Variants in TAFA2 observed in about 807,000 individuals in gnomAD.
TAFA2 encodes the protein TAFA chemokine like family member 2.
Under a neutral mutation model 18.8 loss-of-function variants are expected in TAFA2, and 7 were observed. That is an observed-to-expected ratio of 0.37 (90% confidence interval 0.21 to 0.70). The LOEUF is 0.70. Ranked by LOEUF, TAFA2 falls within the 30% of genes least tolerant of loss-of-function variation. TAFA2 has a pLI of 0.53. For missense variants in TAFA2, 122 were observed against 158.1 expected (o/e 0.77, Z 1.23); for synonymous variants, 60 against 54.2 (o/e 1.11, Z -0.47).
chr12:61,742,341 T>A (rs776324223), intron 4 of TAFA2, among the ~76,000 whole-genome samples: 10 of 152,136 alleles, frequency 6.6e-5, no homozygotes, highest in Non-Finnish European at 1.5e-4. Context: ...GTAATGTTCA[T>A]CTAATGGACA....
At chr12:61,974,248 AAAAG>A (rs1369877503) in intron 1 of TAFA2, among the ~76,000 whole-genome samples, 1 of 151,796 alleles carries the variant, frequency 6.6e-6, no homozygotes, top group Non-Finnish European at 1.5e-5. Flanking sequence ...AGAAAATTTA[AAAAG>A]AAAGAATATT....
At chr12:61,939,515 A>T (rs913408443) in intron 1 of TAFA2, among the ~76,000 whole-genome samples, 3 of 152,206 alleles carry the variant, frequency 2.0e-5, no homozygotes, top group Non-Finnish European at 4.4e-5. Context: ...AAATAAAAAA[A>T]CCTTGAGTTC....
rs1319686903 is a variant in TAFA2 at position 61,877,903 on chromosome 12, T to TTA, written c.-1-10479_-1-10478dup. Reference sequence around the variant, plus strand: ...TGAATGGATAAACAAATTGTGATTTTTATATATATATATATATATATACAC... The same window carrying TTA: ...TGAATGGATAAACAAATTGTGATTTTTATATATATATATATATATATATACAC... On this transcript the variant is annotated intron_variant, in intron 1 of 4. Coordinates refer to ENST00000416284, the MANE Select transcript of TAFA2 (RefSeq NM_178539.5). Among the ~76,000 whole-genome samples the TTA allele has an allele frequency of 6.0e-3, 868 of 144,030 alleles. 9 individuals are homozygous for TTA. Among genetic ancestry groups the TTA allele is most frequent in the Non-Finnish European group, 7.9e-3 (509 of 64,646 alleles). 94.5% of individuals were successfully genotyped at this position (144,030 alleles called of 152,430 possible). A position where few individuals can be genotyped will look rare whatever the true frequency, so the allele number is the denominator to read the frequency against.
intron 1 of TAFA2, among the ~76,000 whole-genome samples, chr12:62,066,562 T>C (rs1882494020): frequency 1.3e-5 from 2 of 151,996 alleles, no homozygotes; most frequent in Admixed American, 6.6e-5. Flanking sequence ...ACAAGCAATG[T>C]TTGTTTGTTT....
At chr12:62,096,639 GA>G (rs995951531) in intron 1 of TAFA2, among the ~76,000 whole-genome samples, 2 of 152,144 alleles carry the variant, frequency 1.3e-5, no homozygotes, top group East Asian at 3.9e-4. Flanking sequence ...CTATGTTAAT[GA>G]AAAAACTTCT....
intron 1 of TAFA2, among the ~76,000 whole-genome samples, chr12:61,980,152 T>C (rs1356890246): frequency 6.6e-6 from 1 of 152,056 alleles, no homozygotes; most frequent in Non-Finnish European, 1.5e-5. Context: ...GTTTAACATA[T>C]GCAAATCAAT....
rs1036857390 is a variant in TAFA2 at position 62,234,420 on chromosome 12, A to C, written c.-130+24343T>G. 8.5e-5 allele frequency: 62 copies of C among 731,624 alleles called. No individual in the cohort carries two copies. The African/African-American group carries it at 9.8e-4, about 12-fold the overall frequency. 45.3% of individuals were successfully genotyped at this position (731,624 alleles called of 1,614,324 possible). On this transcript the variant is annotated intron_variant, in intron 1 of 5. Transcript: ENST00000551619. ...CAGGAACAGGACCGTCCTGCTGTCC[A>C]TTGTTGGCCCGTGGGTCTGAGGGTC...
At chr12:61,715,418 G>A (rs997434156) in intron 4 of TAFA2, among the ~76,000 whole-genome samples, 9 of 151,512 alleles carry the variant, frequency 5.9e-5, no homozygotes, top group Non-Finnish European at 1.0e-4. Flanking sequence ...GTGCTATCTC[G>A]GCTCACTGCA....
At chr12:61,714,476 T>G (rs1432376822) in intron 4 of TAFA2, among the ~76,000 whole-genome samples, 2 of 152,164 alleles carry the variant, frequency 1.3e-5, no homozygotes, top group Admixed American at 6.5e-5. Context: ...TAGTAATTAT[T>G]TAAGATCAAG....
At chr12:62,128,551 G>A (rs914622848) in intron 1 of TAFA2, among the ~76,000 whole-genome samples, 5 of 151,898 alleles carry the variant, frequency 3.3e-5, no homozygotes, top group Non-Finnish European at 7.4e-5. Flanking sequence ...CTTTTACCAC[G>A]TATATCTCCC....
chr12:61,966,933 T>C (rs538639417), intron 1 of TAFA2, among the ~76,000 whole-genome samples: 100 of 152,044 alleles, frequency 6.6e-4, no homozygotes, highest in African/African-American at 2.1e-3. Context: ...CTTTTCTATA[T>C]GCATCTTTTC....
At chr12:61,842,979 C>A (rs755585383) in intron 2 of TAFA2, among the ~76,000 whole-genome samples, 6 of 151,934 alleles carry the variant, frequency 3.9e-5, no homozygotes, top group Non-Finnish European at 5.9e-5. Flanking sequence ...TTCATGGAGA[C>A]ACAAAGCTGG....
At chr12:62,126,093 T>C (rs1870447944) in intron 1 of TAFA2, among the ~76,000 whole-genome samples, 1 of 152,146 alleles carries the variant, frequency 6.6e-6, no homozygotes. Context: ...TTATTCGCTA[T>C]AAAATAATTT....
intron 1 of TAFA2, among the ~76,000 whole-genome samples, chr12:62,128,111 G>A (rs1410841275): frequency 1.3e-5 from 2 of 151,932 alleles, no homozygotes; most frequent in African/African-American, 2.4e-5. Context: ...AGGTGCCTGA[G>A]TAAAATTCTT....
chr12:62,016,368 T>A (rs1880936731), intron 1 of TAFA2, among the ~76,000 whole-genome samples: 1 of 152,222 alleles, frequency 6.6e-6, no homozygotes, highest in South Asian at 2.1e-4. Flanking sequence ...CAGTAATTAT[T>A]TTTTAATTCT....
intron 1 of TAFA2, among the ~76,000 whole-genome samples, chr12:62,087,990 C>G (rs1417371769): frequency 6.6e-6 from 1 of 152,014 alleles, no homozygotes; most frequent in East Asian, 1.9e-4. Flanking sequence ...TGATTTCTGT[C>G]TGTTGTCCCA....
chr12:61,936,847 C>T (rs535599889), intron 1 of TAFA2, among the ~76,000 whole-genome samples: 2 of 152,216 alleles, frequency 1.3e-5, no homozygotes, highest in Admixed American at 6.5e-5. Context: ...AAATGAAGGG[C>T]ATCCAAATTG....
chr12:62,235,986 A>T (rs1317053602), intron 1 of TAFA2, among the ~76,000 whole-genome samples: 1 of 151,940 alleles, frequency 6.6e-6, no homozygotes, highest in Non-Finnish European at 1.5e-5. Context: ...CGCAAAGAAA[A>T]TTAAAAAAAA....
At chr12:62,189,643 A>T (rs1168289567) in intron 1 of TAFA2, among the ~76,000 whole-genome samples, 1 of 152,186 alleles carries the variant, frequency 6.6e-6, no homozygotes. Flanking sequence ...TGATTTTTAA[A>T]GCTTTAGAAG....
Sources: gnomAD v4.1 joint callset for allele counts (sites outside exome capture counted in the v4.1 genomes callset) on GRCh38, gnomAD v4.1.1 for gene constraint, MANE v1.5 for transcripts, NCBI Gene and HGNC (gene_info 2026-07-23, HGNC 2026-07-21) for gene names.